Variants in ST8SIA6 observed in about 807,000 individuals in gnomAD.
The protein encoded by ST8SIA6 is ST8 alpha-N-acetyl-neuraminide alpha-2,8-sialyltransferase 6, also known as alpha-2,8-sialyltransferase 8F.
A neutral mutation model predicts 33.6 loss-of-function variants in ST8SIA6; 39 were observed. The observed-to-expected ratio is 1.16, with a 90% CI of 0.90 to 1.52. The LOEUF is 1.52. ST8SIA6 is among the 40% of genes most tolerant of loss of function. The pLI is 0.00. For synonymous variants in ST8SIA6, 172 were observed against 167.2 expected (o/e 1.03, Z -0.22); for missense variants, 441 against 443.8 (o/e 0.99, Z 0.06).
intron 4 of ST8SIA6, among the ~76,000 whole-genome samples, chr10:17,352,344 C>T (rs1055169400): frequency 1.3e-5 from 2 of 151,842 alleles, no homozygotes; most frequent in African/African-American, 2.4e-5. Context: ...TCAGAACTAA[C>T]GCAAGGTAAA....
chr10:17,405,749 G>C (rs1019409419), intron 2 of ST8SIA6, among the ~76,000 whole-genome samples: 7 of 151,750 alleles, frequency 4.6e-5, no homozygotes, highest in African/African-American at 1.2e-4. Context: ...GGGCGTGGTA[G>C]TGGGTGCCTG....
intron 3 of ST8SIA6, among the ~76,000 whole-genome samples, chr10:17,365,579 C>A (rs530862844): frequency 6.6e-6 from 1 of 152,298 alleles, no homozygotes; most frequent in Admixed American, 6.5e-5. Flanking sequence ...TTCAGCAGAT[C>A]CACCCTGTCT....
intron 2 of ST8SIA6, chr10:17,410,196 A>G (rs1851407706): frequency 6.6e-6 from 1 of 152,228 alleles, no homozygotes; most frequent in Non-Finnish European, 1.5e-5. Context: ...GATTAGTGCA[A>G]AAAATCTTTC....
intron 3 of ST8SIA6, among the ~76,000 whole-genome samples, chr10:17,370,042 A>G (rs1429031018): frequency 6.7e-6 from 1 of 149,592 alleles, no homozygotes; most frequent in Admixed American, 6.7e-5. Context: ...CTGCAGTGGC[A>G]TGATCTCGGC....
intron 7 of ST8SIA6, 38 bp downstream of exon 7, chr10:17,323,027 A>C: frequency 6.5e-7 from 1 of 1,543,044 alleles, no homozygotes; most frequent in Non-Finnish European, 8.9e-7. Flanking sequence ...ACAATGAAAA[A>C]GTGTTCCTGA....
chr10:17,368,683 A>C (rs1179318025), intron 3 of ST8SIA6, among the ~76,000 whole-genome samples: 1 of 152,050 alleles, frequency 6.6e-6, no homozygotes, highest in African/African-American at 2.4e-5. Flanking sequence ...TTAAGTAATT[A>C]ATAAAGTAAT....
intron 2 of ST8SIA6, among the ~76,000 whole-genome samples, chr10:17,401,443 A>G (rs1304043346): frequency 6.6e-6 from 1 of 152,246 alleles, no homozygotes; most frequent in African/African-American, 2.4e-5. Context: ...TAAAGTTCAT[A>G]TGGAACCAAA....
At chr10:17,437,647 TTCCTTCCTTCCTTCC>T (rs1564464578) in intron 2 of ST8SIA6, among the ~76,000 whole-genome samples, 115 of 141,352 alleles carry the variant, frequency 8.1e-4, no homozygotes, top group Middle Eastern at 3.4e-3. Flanking sequence ...CCTTCCTTCC[TTCCTTCCTTCCTTCC>T]TTCTGTCTCT....
chr10:17,320,663 A>G lies in ST8SIA6; in HGVS notation c.*215T>C, dbSNP rs1313408799. On this transcript the variant is annotated 3_prime_UTR_variant, in exon 8 of 8. Coordinates refer to ENST00000377602, the MANE Select transcript of ST8SIA6 (RefSeq NM_001004470.3). ...TTCATAAATTATAAAAATTTGTATG[A>G]GTCAGATATGGTGTCCATGTTATAA... is the stretch of plus-strand genomic sequence containing the variant. 9.7e-6 allele frequency: 5 copies of G among 516,494 alleles called. No homozygotes were observed. Among genetic ancestry groups the G allele is most frequent in the Non-Finnish European group, 9.9e-6 (3 of 303,368 alleles). 32.0% of individuals were successfully genotyped at this position (516,494 alleles called of 1,614,324 possible).
chr10:17,388,514 A>T (rs555239301), intron 3 of ST8SIA6, among the ~76,000 whole-genome samples: 65 of 152,096 alleles, frequency 4.3e-4, no homozygotes, highest in Non-Finnish European at 6.2e-4. Flanking sequence ...TGTGTGTGTG[A>T]GAGAGAGAGA....
chr10:17,391,200 G>A (rs1430516252), intron 2 of ST8SIA6, among the ~76,000 whole-genome samples: 1 of 151,778 alleles, frequency 6.6e-6, no homozygotes, highest in East Asian at 1.9e-4. Flanking sequence ...TCTGAGGTTA[G>A]TATTTACAAT....
At chr10:17,449,948 A>C (rs1476455162) in intron 2 of ST8SIA6, among the ~76,000 whole-genome samples, 1 of 152,158 alleles carries the variant, frequency 6.6e-6, no homozygotes, top group African/African-American at 2.4e-5. Context: ...CTTGGGCAGC[A>C]CTCCATCCTG....
At chr10:17,349,091 CAGAA>C (rs1309874274) in intron 4 of ST8SIA6, among the ~76,000 whole-genome samples, 1 of 152,150 alleles carries the variant, frequency 6.6e-6, no homozygotes, top group Non-Finnish European at 1.5e-5. Context: ...AAATAATGCA[CAGAA>C]AGACGATAAC....
At chr10:17,356,580 G>GT (rs1849197976) in intron 4 of ST8SIA6, among the ~76,000 whole-genome samples, 1 of 151,904 alleles carries the variant, frequency 6.6e-6, no homozygotes, top group African/African-American at 2.4e-5. Flanking sequence ...TAGAGATGAG[G>GT]TTTCACCATG....
intron 3 of ST8SIA6, among the ~76,000 whole-genome samples, chr10:17,382,702 T>C (rs922221801): frequency 3.3e-5 from 5 of 152,138 alleles, no homozygotes; most frequent in Non-Finnish European, 4.4e-5. Context: ...CCGTACAAGA[T>C]GCCAATCAAA....
At chr10:17,441,588 C>T (rs1249754274) in intron 2 of ST8SIA6, among the ~76,000 whole-genome samples, 1 of 152,056 alleles carries the variant, frequency 6.6e-6, no homozygotes, top group Non-Finnish European at 1.5e-5. Flanking sequence ...GGATTACAGG[C>T]GTGCACCACT....
intron 3 of ST8SIA6, 145 bp downstream of exon 3, chr10:17,390,386 G>T (rs1240939774): frequency 3.1e-6 from 2 of 644,068 alleles, no homozygotes; most frequent in Non-Finnish European, 5.3e-6. Flanking sequence ...GGTCCATCAT[G>T]CTCATTAACA....
At chr10:17,453,377 G>A (rs1852988643) in intron 2 of ST8SIA6, among the ~76,000 whole-genome samples, 182 bp downstream of exon 2, 2 of 151,852 alleles carry the variant, frequency 1.3e-5, no homozygotes, top group Non-Finnish European at 2.9e-5. Context: ...TTAGAGGGTT[G>A]AGGGAGTGTG....
Position 17,320,340 on chromosome 10 carries a change from T to C in ST8SIA6, c.*538A>G, listed in dbSNP as rs975998718. ...AAGTGAATTTAATCAGAAGCAGGCATACTGCCATACTCAGAGAAGAATTTC... is the reference window on the plus strand; with the variant it reads ...AAGTGAATTTAATCAGAAGCAGGCACACTGCCATACTCAGAGAAGAATTTC... On this transcript the variant is annotated 3_prime_UTR_variant, in exon 8 of 8. Coordinates refer to ENST00000377602, the MANE Select transcript of ST8SIA6 (RefSeq NM_001004470.3). 1 of 152,970 alleles carries C rather than the reference T, an allele frequency of 6.5e-6. No individual in the cohort carries two copies. Among genetic ancestry groups the C allele is most frequent in the African/African-American group, 2.4e-5 (1 of 41,472 alleles). The allele number at this position is 152,970 out of a possible 1,614,324, so 9.5% of individuals were successfully genotyped here.
Sources: allele counts gnomAD v4.1 joint callset (sites outside exome capture counted in the v4.1 genomes callset), GRCh38; gene constraint gnomAD v4.1.1; transcripts MANE v1.5; gene names NCBI Gene and HGNC (gene_info 2026-07-23, HGNC 2026-07-21).